Variants in SPINT1 observed in about 807,000 individuals in gnomAD.
SPINT1 encodes the protein kunitz-type protease inhibitor 1.
SPINT1 carries 38 observed loss-of-function variants against 53.7 expected under a neutral mutation model. The observed-to-expected ratio is 0.71, with a 90% CI of 0.55 to 0.93. The LOEUF (loss-of-function observed/expected upper bound fraction) is 0.93. SPINT1 is among the 40% of genes least tolerant of loss of function. The pLI is 0.00. For synonymous variants in SPINT1, 283 were observed against 280.6 expected (o/e 1.01, Z -0.08); for missense variants, 645 against 692.9 (o/e 0.93, Z 0.78).
intron 2 of SPINT1, among the ~76,000 whole-genome samples, chr15:40,847,267 A>C (rs1020431377): frequency 2.0e-5 from 3 of 152,140 alleles, no homozygotes; most frequent in African/African-American, 7.2e-5. Context: ...TGTGTGTGTC[A>C]AGGGGTTTAT....
At chr15:40,845,847 C>T (rs1033768213) in intron 2 of SPINT1, among the ~76,000 whole-genome samples, 1 of 152,232 alleles carries the variant, frequency 6.6e-6, no homozygotes, top group Non-Finnish European at 1.5e-5. Context: ...CCATAGTCTC[C>T]TCCACTGGCT....
At position 40,855,975 on chromosome 15, in the gene SPINT1, G is replaced by C; in HGVS notation, c.1201G>C (p.Ala401Pro). The C allele has an allele frequency of 6.2e-7, 1 of 1,614,204 alleles. No individual in the cohort carries two copies. The highest frequency in any genetic ancestry group is 8.5e-7 in the Non-Finnish European group (1 of 1,180,040). Residue 401 changes from alanine to proline, a missense_variant, in exon 9 of 11, where the codon GCC becomes CCC. Coordinates refer to ENST00000562057, the MANE Select transcript of SPINT1 (RefSeq NM_003710.4). ...CTACAACCCCTTCAGCGAACACTGC[G>C]CCCGCTTTACCTATGGTGGTTGTTA... ...WYYNPFSEHCARFTYGGCYGN... is the reference protein window; with the variant it reads ...WYYNPFSEHCPRFTYGGCYGN...
rs1259459765 is a variant in SPINT1 at position 40,857,024 on chromosome 15, G to A, written c.*49G>A. On this transcript the variant is annotated 3_prime_UTR_variant, in exon 11 of 11. Coordinates refer to ENST00000562057, the MANE Select transcript of SPINT1 (RefSeq NM_003710.4). Reference sequence around the variant, plus strand: ...CTGGCCCTGCTTCCTGCTTGCCAAGGCAGAGGCCTGGGCTGGGAAAAACTT... The same window carrying A: ...CTGGCCCTGCTTCCTGCTTGCCAAGACAGAGGCCTGGGCTGGGAAAAACTT... 9 of 1,602,944 alleles carry A rather than the reference G, an allele frequency of 5.6e-6. No homozygotes were observed. Among genetic ancestry groups the A allele is most frequent in the Admixed American group, 5.0e-5 (3 of 59,570 alleles).
rs1566856493 is a variant in SPINT1, at chr15:40,853,701, T to C, written c.743-10T>C. ...GGCCGCACGGTCCCCTCATAAGCTC[T>C]CCCCCCTAGACTACTGCCTCGCATC... On this transcript the variant is annotated splice_polypyrimidine_tract_variant and intron_variant, in intron 4 of 10. Transcript: ENST00000562057. The C allele has an allele frequency of 1.6e-5, 26 of 1,613,854 alleles. No individual in the cohort carries two copies. The highest frequency in any genetic ancestry group is 2.2e-5 in the Non-Finnish European group (26 of 1,179,870).
At chr15:40,846,977 C>A (rs930828983) in intron 2 of SPINT1, among the ~76,000 whole-genome samples, 2 of 152,202 alleles carry the variant, frequency 1.3e-5, no homozygotes, top group African/African-American at 4.8e-5. Flanking sequence ...TCATGCCCTT[C>A]CTGCTCCACA....
At chr15:40,856,456 T>A (rs1891644458) in intron 10 of SPINT1, 133 bp downstream of exon 10, 1 of 1,164,618 alleles carries the variant, frequency 8.6e-7, no homozygotes, top group Non-Finnish European at 1.3e-6. Flanking sequence ...AGTACCGTAA[T>A]CAAATGGGGA....
At chr15:40,855,265 C>T (rs1022851675) in intron 8 of SPINT1, among the ~76,000 whole-genome samples, 4 of 152,174 alleles carry the variant, frequency 2.6e-5, no homozygotes, top group African/African-American at 9.7e-5. Context: ...CCTGTACTCC[C>T]AGCTACTCAG....
chr15:40,849,193 C>T (rs1408259380), intron 2 of SPINT1, among the ~76,000 whole-genome samples: 3 of 151,542 alleles, frequency 2.0e-5, no homozygotes, highest in African/African-American at 4.9e-5. Flanking sequence ...TTGCAGTGAG[C>T]CAAGATCACG....
At chr15:40,845,092 C>T in intron 2 of SPINT1, 63 bp downstream of exon 2, 1 of 1,354,076 alleles carries the variant, frequency 7.4e-7, no homozygotes, top group Non-Finnish European at 1.0e-6. Flanking sequence ...GTTATGGGGT[C>T]CTAGGGGAGA....
In SPINT1 at chr15:40,854,438, A is replaced by C. The variant is rs753293935; in HGVS notation, c.982A>C (p.Asn328His). ...TCAGCCCACCCAGTTCCGCTGCAGC[A>C]ATGGCTGCTGCATCGACAGTTTCCT... ...TCQPTQFRCS[N>H]GCCIDSFLEC... Residue 328 changes from asparagine to histidine, a missense_variant, in exon 7 of 11, where the codon AAT becomes CAT. Coordinates refer to ENST00000562057, the MANE Select transcript of SPINT1 (RefSeq NM_003710.4). The C allele has an allele frequency of 5.0e-6, 8 of 1,612,636 alleles. No homozygotes were observed. In the South Asian group the frequency reaches 8.8e-5, roughly 18 times the overall value.
chr15:40,852,631 G>C (rs199970172), intron 2 of SPINT1, among the ~76,000 whole-genome samples: 24 of 138,212 alleles, frequency 1.7e-4, no homozygotes, highest in East Asian at 6.9e-4. Context: ...AAGTGTCTGT[G>C]TGTGTGTGTG....
At position 40,844,104 on chromosome 15, in the gene SPINT1, G is replaced by C; in HGVS notation, c.-148G>C. ...CCGAGCCCCAGCTCTCCGAGCACCGGGTCGGAAGCCGCGACCCGAGCCGCG... is the reference window on the plus strand; with the variant it reads ...CCGAGCCCCAGCTCTCCGAGCACCGCGTCGGAAGCCGCGACCCGAGCCGCG... On this transcript the variant is annotated 5_prime_UTR_variant, in exon 1 of 11. Transcript: ENST00000562057. The surrounding 1 kb of genome is among the most constrained non-coding windows in gnomAD (Gnocchi z 5.8). 2.3e-6 allele frequency: 1 copy of C among 433,380 alleles called. No individual in the cohort carries two copies. Among genetic ancestry groups the C allele is most frequent in the East Asian group, 9.6e-5 (1 of 10,408 alleles). The allele number at this position is 433,380 out of a possible 1,614,324, so 26.8% of individuals were successfully genotyped here. A position where few individuals can be genotyped will look rare whatever the true frequency, so the allele number is the denominator to read the frequency against.
In SPINT1 at chr15:40,857,316, C is replaced by T; in HGVS notation, c.*341C>T. On this transcript the variant is annotated 3_prime_UTR_variant, in exon 11 of 11. Transcript: ENST00000562057. ...AAGAGGAGTGGGGTGGTGTCAGACCCTGGAGGCCCCAACCCTGTCCTCCCG... is the reference window on the plus strand; with the variant it reads ...AAGAGGAGTGGGGTGGTGTCAGACCTTGGAGGCCCCAACCCTGTCCTCCCG... 1 of 313,646 alleles carries T rather than the reference C, an allele frequency of 3.2e-6. No homozygotes were observed. The highest frequency in any genetic ancestry group is 5.9e-6 in the Non-Finnish European group (1 of 168,816). 19.4% of individuals were successfully genotyped at this position (313,646 alleles called of 1,614,324 possible).
intron 6 of SPINT1, 30 bp downstream of exon 6, chr15:40,854,116 TC>T (rs1891554388): frequency 1.3e-6 from 2 of 1,520,638 alleles, no homozygotes; most frequent in South Asian, 1.3e-5. Flanking sequence ...CCATCCCCCA[TC>T]CCCACCACAT....
chr15:40,853,324 G>A (rs939524852), intron 3 of SPINT1, 73 bp downstream of exon 3: 5 of 1,608,530 alleles, frequency 3.1e-6, no homozygotes, highest in Non-Finnish European at 4.2e-6. Flanking sequence ...TGGGGCCCTA[G>A]GCCAACCAAT....
chr15:40,848,781 G>A (rs1891366925), intron 2 of SPINT1, among the ~76,000 whole-genome samples: 1 of 152,124 alleles, frequency 6.6e-6, no homozygotes, highest in African/African-American at 2.4e-5. Flanking sequence ...GAACTCAAAT[G>A]CTTGTGAATT....
rs765260877 is a variant in SPINT1 at position 40,853,644 on chromosome 15, G to A, written c.742+17G>A. On this transcript the variant is annotated intron_variant, in intron 4 of 10. Coordinates refer to ENST00000562057, the MANE Select transcript of SPINT1 (RefSeq NM_003710.4). The stretch of plus-strand genomic sequence containing the variant: ...AGACAGAAGGTGAGGGAGGGGTGAG[G>A]AGCAGCACCTGGAGCCCCCGCTGTG... The A allele has an allele frequency of 3.1e-6, 5 of 1,613,934 alleles. No homozygotes were observed. The highest frequency in any genetic ancestry group is 4.2e-6 in the Non-Finnish European group (5 of 1,179,918).
Position 40,844,225 on chromosome 15 carries a change from G to A in SPINT1, c.-66+39G>A. On this transcript the variant is annotated intron_variant, in intron 1 of 10. Coordinates refer to ENST00000562057, the MANE Select transcript of SPINT1 (RefSeq NM_003710.4). This position sits in a 1 kb window ranked among gnomAD's most constrained non-coding sequence, Gnocchi z 5.8. ...CCGCGCGCAAGGCCGAGGCGCAGGC[G>A]GAGCGGGCTGGAGCATGTCCGGCCC... The A allele has an allele frequency of 2.3e-6, 1 of 426,520 alleles. No individual in the cohort carries two copies. The allele number at this position is 426,520 out of a possible 1,614,324, so 26.4% of individuals were successfully genotyped here.
Position 40,856,931 on chromosome 15 carries a change from G to A in SPINT1, c.1498G>A (p.Asp500Asn), listed in dbSNP as rs768181887. The change falls in exon 11 of 11, where the codon GAC becomes AAC. Residue 500 changes from aspartate (D) to asparagine (N), a missense_variant. Asp to Asn is a conservative substitution (Grantham distance 23). Transcript: ENST00000562057. ...PASSTVSTTE[D>N]TEHLVYNHTT... The stretch of plus-strand genomic sequence containing the variant: ...CAGCTCCACTGTCTCCACTACCGAG[G>A]ACACGGAGCACCTGGTCTATAACCA... The A allele has an allele frequency of 6.2e-7, 1 of 1,614,004 alleles. No homozygotes were observed.
Sources: gnomAD v4.1 joint callset for allele counts (sites outside exome capture counted in the v4.1 genomes callset) on GRCh38, gnomAD v4.1.1 for gene constraint, Gnocchi (gnomAD v3.1) non-coding constraint, MANE v1.5 for transcripts, NCBI Gene and HGNC (gene_info 2026-07-23, HGNC 2026-07-21) for gene names.